Variants in DLG2 observed in about 807,000 individuals in gnomAD.
DLG2 encodes discs large MAGUK scaffold protein 2.
A neutral mutation model predicts 132.5 loss-of-function variants in DLG2; 45 were observed. The observed-to-expected ratio is 0.34, with a 90% confidence interval of 0.27 to 0.44. The LOEUF is 0.44. Ranked by LOEUF, DLG2 falls within the 20% of genes least tolerant of loss-of-function variation. DLG2 has a pLI of 1.00. For synonymous variants in DLG2, 424 were observed against 419.6 expected (o/e 1.01, Z -0.13); for missense variants, 1,045 against 1,196.9 (o/e 0.87, Z 1.87).
At chr11:84,688,026 T>C (rs1315801543) in intron 6 of DLG2, among the ~76,000 whole-genome samples, 1 of 152,156 alleles carries the variant, frequency 6.6e-6, no homozygotes, top group Non-Finnish European at 1.5e-5. Flanking sequence ...AGATGTACTG[T>C]GTATATATGT....
At position 83,996,891 on chromosome 11, in the gene DLG2, G is replaced by T. The variant is rs116515762; in HGVS notation, c.920-16249C>A. On this transcript the variant is annotated intron_variant, in intron 11 of 27. Coordinates refer to ENST00000376104, the MANE Select transcript of DLG2 (RefSeq NM_001142699.3). ...ATATGTACAAATAAATAGAAAGAAT[G>T]AATAAGACCTACTATAGTCCAAAAA... Among the ~76,000 whole-genome samples the T allele has an allele frequency of 5.0e-3, 752 of 151,782 alleles. 3 individuals carry two copies. Among genetic ancestry groups the T allele is most frequent in the African/African-American group, 0.018 (733 of 41,368 alleles).
At chr11:85,226,071 C>T (rs1021721506) in intron 4 of DLG2, among the ~76,000 whole-genome samples, 1 of 151,806 alleles carries the variant, frequency 6.6e-6, no homozygotes, top group Admixed American at 6.6e-5. Context: ...TTTCAATCTC[C>T]AAAAATATTT....
intron 23 of DLG2, 61 bp from the exon 24 acceptor site, chr11:83,471,788 G>C (rs1374983967): frequency 4.4e-6 from 6 of 1,349,022 alleles, no homozygotes; most frequent in African/African-American, 2.9e-5. Context: ...CTGCAAAACT[G>C]TCCTGCAAGG....
chr11:83,866,911 T>A (rs7937832), intron 16 of DLG2, among the ~76,000 whole-genome samples: 8 of 152,064 alleles, frequency 5.3e-5, no homozygotes, highest in South Asian at 2.1e-4. Context: ...ACTTCCCGGC[T>A]TCTTCCTAGT....
At chr11:84,683,189 T>A (rs554063460) in intron 6 of DLG2, among the ~76,000 whole-genome samples, 1 of 152,286 alleles carries the variant, frequency 6.6e-6, no homozygotes, top group South Asian at 2.1e-4. Flanking sequence ...TATGGTATAG[T>A]GACTGAAAAG....
intron 4 of DLG2, among the ~76,000 whole-genome samples, chr11:85,278,079 C>T (rs191568256): frequency 1.3e-5 from 2 of 152,160 alleles, no homozygotes; most frequent in Admixed American, 6.6e-5. Context: ...CTCTCAGCTC[C>T]CCACCTACTA....
chr11:83,957,758 T>G (rs2154153092), intron 14 of DLG2, among the ~76,000 whole-genome samples: 1 of 152,306 alleles, frequency 6.6e-6, no homozygotes, highest in Non-Finnish European at 1.5e-5. Context: ...GACTTTATGT[T>G]GCAGGAACAC....
intron 24 of DLG2, 110 bp from the exon 25 acceptor site, chr11:83,469,483 A>T (rs113418072): frequency 5.1e-6 from 4 of 780,548 alleles, no homozygotes; most frequent in Non-Finnish European, 8.0e-6. Context: ...AATATGTAGT[A>T]TGAAGAAATA....
intron 6 of DLG2, among the ~76,000 whole-genome samples, chr11:84,677,653 C>T (rs1367558144): frequency 2.0e-5 from 3 of 151,938 alleles, no homozygotes; most frequent in Non-Finnish European, 4.4e-5. Context: ...GGAGGTTGAG[C>T]TGGGAAGATC....
chr11:83,785,159 G>A (rs1418934109), intron 18 of DLG2, among the ~76,000 whole-genome samples: 4 of 151,800 alleles, frequency 2.6e-5, no homozygotes, highest in Admixed American at 1.3e-4. Context: ...GGTTCATGCC[G>A]TTCTCCTGCC....
At chr11:83,817,901 A>G (rs2049522748) in intron 17 of DLG2, among the ~76,000 whole-genome samples, 1 of 152,202 alleles carries the variant, frequency 6.6e-6, no homozygotes, top group Non-Finnish European at 1.5e-5. Flanking sequence ...AAATAAAGGG[A>G]AGTCTTTATT....
chr11:83,784,224 T>G (rs894604463), intron 18 of DLG2, among the ~76,000 whole-genome samples: 1 of 152,246 alleles, frequency 6.6e-6, no homozygotes, highest in Non-Finnish European at 1.5e-5. Flanking sequence ...TGGAATCTCA[T>G]GAGGCACTCT....
At chr11:83,988,158 G>C (rs1178174074) in intron 11 of DLG2, among the ~76,000 whole-genome samples, 1 of 151,884 alleles carries the variant, frequency 6.6e-6, no homozygotes, top group East Asian at 1.9e-4. Context: ...GTTTGTCAAT[G>C]TTTGCTTTCG....
chr11:84,950,331 C>A (rs1342528977), intron 6 of DLG2, among the ~76,000 whole-genome samples: 1 of 152,058 alleles, frequency 6.6e-6, no homozygotes, highest in Non-Finnish European at 1.5e-5. Flanking sequence ...TAATTCCAAG[C>A]CCTAGTCAGA....
At chr11:83,499,168 A>C (rs559146526) in intron 21 of DLG2, among the ~76,000 whole-genome samples, 14 of 152,202 alleles carry the variant, frequency 9.2e-5, no homozygotes, top group South Asian at 2.1e-4. Flanking sequence ...AAGTTTTCTA[A>C]AAGATAGAAG....
intron 7 of DLG2, among the ~76,000 whole-genome samples, chr11:84,471,906 T>A (rs1015910328): frequency 6.6e-6 from 1 of 151,788 alleles, no homozygotes; most frequent in Admixed American, 6.6e-5. Context: ...GTTTTTCTTA[T>A]ACAGTTCAGC....
At chr11:84,819,102 C>CACACACACAT (rs2077397713) in intron 6 of DLG2, among the ~76,000 whole-genome samples, 1 of 148,896 alleles carries the variant, frequency 6.7e-6, no homozygotes, top group South Asian at 2.1e-4. Flanking sequence ...CACACACACA[C>CACACACACAT]ACACAATTTC....
chr11:85,563,806 A>G (rs2077387063), intron 3 of DLG2, among the ~76,000 whole-genome samples: 1 of 152,112 alleles, frequency 6.6e-6, no homozygotes, highest in Non-Finnish European at 1.5e-5. Context: ...GTGTGATCAA[A>G]TATTTTCATT....
intron 6 of DLG2, among the ~76,000 whole-genome samples, chr11:84,575,401 A>G (rs891349077): frequency 6.6e-6 from 1 of 151,100 alleles, no homozygotes; most frequent in Non-Finnish European, 1.5e-5. Flanking sequence ...CCTCCTATTT[A>G]TCAAACTTAG....
Sources: gnomAD v4.1 joint callset for allele counts (sites outside exome capture counted in the v4.1 genomes callset) on GRCh38, gnomAD v4.1.1 for gene constraint, MANE v1.5 for transcripts, NCBI Gene and HGNC (gene_info 2026-07-23, HGNC 2026-07-21) for gene names.